Variants in DISP1 observed in about 807,000 individuals in gnomAD.
DISP1 encodes the protein dispatched RND transporter family member 1.
DISP1 carries 30 observed loss-of-function variants against 37.3 expected under a neutral mutation model. The ratio of observed to expected loss-of-function variants is 0.80; its 90% CI spans 0.60 to 1.09. DISP1 has a LOEUF of 1.09. Ranked by LOEUF, DISP1 falls within the 50% of genes least tolerant of loss-of-function variation. DISP1 has a pLI of 0.00. For synonymous variants in DISP1, 634 were observed against 690.2 expected (o/e 0.92, Z 1.28); for missense variants, 1,598 against 1,879.5 (o/e 0.85, Z 2.77).
intron 2 of DISP1, among the ~76,000 whole-genome samples, chr1:222,938,688 G>A (rs777140973): frequency 1.0e-4 from 14 of 136,586 alleles, no homozygotes; most frequent in Admixed American, 8.2e-4. Flanking sequence ...AGCCATGATC[G>A]CACCAGTGCA....
intron 1 of DISP1, among the ~76,000 whole-genome samples, chr1:222,889,251 AG>A: frequency 6.6e-6 from 1 of 152,294 alleles, no homozygotes; most frequent in East Asian, 1.9e-4. Flanking sequence ...AAATCTAAGT[AG>A]GCTAGTATTA....
chr1:222,867,866 G>A (rs1306288566), intron 1 of DISP1, among the ~76,000 whole-genome samples: 3 of 152,110 alleles, frequency 2.0e-5, no homozygotes, highest in Non-Finnish European at 4.4e-5. Context: ...TATAAAATTG[G>A]TTAAACTAAG....
At chr1:222,886,032 G>A (rs569724033) in intron 1 of DISP1, among the ~76,000 whole-genome samples, 12 of 151,932 alleles carry the variant, frequency 7.9e-5, no homozygotes, top group Non-Finnish European at 1.6e-4. Context: ...AACTTGGAAG[G>A]AGATGTATAG....
chr1:222,818,866 TA>T (rs1661970994), intron 1 of DISP1, among the ~76,000 whole-genome samples: 2 of 152,244 alleles, frequency 1.3e-5, no homozygotes, highest in Admixed American at 1.3e-4. Context: ...TGTTGACACA[TA>T]AGGCTAACCA....
chr1:222,914,749 A>G (rs1364670300), intron 1 of DISP1, among the ~76,000 whole-genome samples: 3 of 152,140 alleles, frequency 2.0e-5, no homozygotes, highest in Non-Finnish European at 4.4e-5. Context: ...TCTTGAGCCC[A>G]AGAAGTTCGA....
chr1:222,989,896 G>A lies in DISP1; in HGVS notation c.540-729G>A, dbSNP rs537676624. 3.4e-4 allele frequency among the ~76,000 whole-genome samples: 51 copies of A among 151,784 alleles called. No homozygotes were observed. The South Asian group carries it at 6.5e-3, about 19-fold the overall frequency. On this transcript the variant is annotated intron_variant, in intron 4 of 8. Transcript: ENST00000675850. ...CAGCTCACTGCAACCTCCACCTCCC[G>A]GGTCCAAGTGATTCTCCTGCCTCAG...
chr1:222,917,874 CCTA>C (rs1308445183), intron 1 of DISP1, among the ~76,000 whole-genome samples: 1 of 151,962 alleles, frequency 6.6e-6, no homozygotes, highest in East Asian at 1.9e-4. Context: ...CAAGCAATGG[CCTA>C]TTTGGTAGTT....
intron 2 of DISP1, among the ~76,000 whole-genome samples, chr1:222,931,075 A>G (rs1300809626): frequency 6.6e-6 from 1 of 152,048 alleles, no homozygotes; most frequent in East Asian, 1.9e-4. Flanking sequence ...CTGGTATTAG[A>G]TACTAAACAT....
intron 1 of DISP1, among the ~76,000 whole-genome samples, chr1:222,823,349 G>A (rs913509226): frequency 6.6e-6 from 1 of 152,142 alleles, no homozygotes; most frequent in Non-Finnish European, 1.5e-5. Context: ...CGAATACTGT[G>A]CAGCTTAAAA....
intron 3 of DISP1, among the ~76,000 whole-genome samples, chr1:222,948,212 T>G (rs1674936709): frequency 6.6e-6 from 1 of 152,184 alleles, no homozygotes; most frequent in Admixed American, 6.5e-5. Context: ...AGAATGAGGT[T>G]GCTGAGTAAT....
At chr1:222,916,075 G>A (rs1255758776) in intron 1 of DISP1, among the ~76,000 whole-genome samples, 1 of 152,116 alleles carries the variant, frequency 6.6e-6, no homozygotes, top group African/African-American at 2.4e-5. Context: ...CTTCATTTTT[G>A]TCAAAAGTGT....
In DISP1 at chr1:222,822,220, G is replaced by C. The variant is rs1572133582; in HGVS notation, c.-159+7142G>C. On this transcript the variant is annotated intron_variant, in intron 1 of 8. Coordinates refer to ENST00000675850, the MANE Select transcript of DISP1 (RefSeq NM_001377229.1). ...TTGTAGTGTAATTCTTTCTGAACCA[G>C]ACCTGGAAACCATTTCACTTGTGTT... 2.0e-5 allele frequency among the ~76,000 whole-genome samples: 3 copies of C among 152,200 alleles called. No individual in the cohort carries two copies. In the South Asian group the frequency reaches 6.2e-4, roughly 32 times the overall value.
chr1:222,966,782 C>T (rs2789924), intron 3 of DISP1, among the ~76,000 whole-genome samples: 41,790 of 151,956 alleles, frequency 0.28, 5,922 homozygotes, highest in South Asian at 0.33. Flanking sequence ...TCAAACTCTA[C>T]ACTTTAACTT....
At chr1:222,942,684 A>T in intron 2 of DISP1, 123 bp from the exon 3 acceptor site, 1 of 1,100,496 alleles carries the variant, frequency 9.1e-7, no homozygotes, top group Non-Finnish European at 1.3e-6. Flanking sequence ...AATTTCTACC[A>T]CTGTCTCACA....
intron 1 of DISP1, chr1:222,836,882 A>T (rs1050211527): frequency 5.2e-6 from 2 of 386,976 alleles, no homozygotes; most frequent in Non-Finnish European, 9.1e-6. Flanking sequence ...ATGTGGCCTT[A>T]GGTAAATAAC....
intron 3 of DISP1, among the ~76,000 whole-genome samples, chr1:222,975,860 A>C (rs1677280907): frequency 6.6e-6 from 1 of 152,210 alleles, no homozygotes; most frequent in Non-Finnish European, 1.5e-5. Context: ...CTTAGCCCTC[A>C]AATAATGTCA....
chr1:223,003,605 A>G lies in DISP1; in HGVS notation c.2208A>G (p.Val736=). The change falls in exon 9 of 9, where the codon GTA becomes GTG. Residue 736 remains valine (V), a synonymous_variant. Transcript: ENST00000675850. This position sits in a 1 kb window ranked among gnomAD's most constrained non-coding sequence, Gnocchi z 4.3. ...TAACTGTAGGTGGGGCCTACATTGT[A>G]TGTATAAATCCAAAGATGAAACTGC... ...LALTVGGAYI[V]CINPKMKLPS... 1 of 1,614,190 alleles carries G rather than the reference A, an allele frequency of 6.2e-7. No homozygotes were observed. Among genetic ancestry groups the G allele is most frequent in the Non-Finnish European group, 8.5e-7 (1 of 1,180,034 alleles).
chr1:222,887,499 T>G (rs916477638), intron 1 of DISP1, among the ~76,000 whole-genome samples: 14 of 124,038 alleles, frequency 1.1e-4, no homozygotes, highest in South Asian at 2.8e-4. Flanking sequence ...TTTTTTTTTT[T>G]TTTTTTTTTT....
At chr1:222,815,635 G>T (rs1333500069) in intron 1 of DISP1, among the ~76,000 whole-genome samples, 1 of 151,894 alleles carries the variant, frequency 6.6e-6, no homozygotes, top group Non-Finnish European at 1.5e-5. Flanking sequence ...AATATATCCC[G>T]CTCCGCGCGT....
Sources: allele counts gnomAD v4.1 joint callset (sites outside exome capture counted in the v4.1 genomes callset), GRCh38; gene constraint gnomAD v4.1.1; non-coding constraint Gnocchi (gnomAD v3.1); transcripts MANE v1.5; gene names NCBI Gene and HGNC (gene_info 2026-07-23, HGNC 2026-07-21).